TEX11: variants seen among roughly 807,000 people sequenced by gnomAD.
TEX11 encodes testis-expressed protein 11.
A neutral mutation model predicts 84.4 loss-of-function variants in TEX11; 7 were observed. That is an observed-to-expected ratio of 0.08 (90% confidence interval 0.05 to 0.16). The LOEUF (loss-of-function observed/expected upper bound fraction) is 0.16. TEX11 is among the 10% of genes least tolerant of loss of function. The probability of loss-of-function intolerance (pLI) is 1.00; values close to 1 mark genes in which losing one functional copy is unlikely to be tolerated. For missense variants in TEX11, 551 were observed against 660.5 expected (o/e 0.83, Z 1.82); for synonymous variants, 264 against 222.8 (o/e 1.18, Z -1.64).
At chrX:70,889,291 T>A (rs182299090) in intron 2 of TEX11, among the ~76,000 whole-genome samples, 1 of 109,227 alleles carries the variant, frequency 9.2e-6, no homozygotes, top group African/African-American at 3.3e-5. Context: ...GTGGCAGACA[T>A]CTGTAATCCC....
chrX:70,594,085 T>C (rs775131999), intron 24 of TEX11, among the ~76,000 whole-genome samples: 3 of 111,147 alleles, frequency 2.7e-5, no homozygotes, highest in African/African-American at 9.8e-5. Context: ...CATTACAAAA[T>C]GGTAAAAGAC....
chrX:70,842,426 C>A (rs1379056297), intron 7 of TEX11, among the ~76,000 whole-genome samples: 2 of 111,552 alleles, frequency 1.8e-5, no homozygotes, highest in Non-Finnish European at 3.8e-5. Flanking sequence ...TGACAAAATT[C>A]AACAACACTT....
intron 16 of TEX11, among the ~76,000 whole-genome samples, chrX:70,664,537 G>A (rs1417055446): frequency 8.1e-5 from 9 of 111,028 alleles, no homozygotes; most frequent in African/African-American, 2.3e-4. Context: ...AGTTCATATG[G>A]TACATACCAC....
intron 20 of TEX11, 99 bp from the exon 21 acceptor site, chrX:70,610,642 A>G: frequency 1.2e-6 from 1 of 855,741 alleles, no homozygotes; most frequent in Non-Finnish European, 1.7e-6. Flanking sequence ...TTGAACTAAG[A>G]AAATGCAAAA....
At chrX:70,557,125 T>C (rs1338471353) in intron 25 of TEX11, among the ~76,000 whole-genome samples, 1 of 109,351 alleles carries the variant, frequency 9.1e-6, no homozygotes, top group Non-Finnish European at 1.9e-5. Context: ...GAAAATAAAA[T>C]TGAAACAATT....
rs2090836772 is a variant in TEX11 at position 70,752,626 on chromosome X, T to C, written c.693-8407A>G. Among the ~76,000 whole-genome samples the C allele has an allele frequency of 2.8e-5, 3 of 107,653 alleles. No individual in the cohort carries two copies. The South Asian group carries it at 1.2e-3, about 44-fold the overall frequency. 93.5% of individuals were successfully genotyped at this position (107,653 alleles called of 115,157 possible). A position where few individuals can be genotyped will look rare whatever the true frequency, so the allele number is the denominator to read the frequency against. On this transcript the variant is annotated intron_variant, in intron 9 of 29. Coordinates refer to ENST00000374333, the MANE Select transcript of TEX11 (RefSeq NM_031276.3). ...TATACTATAAAATATTCACCTAAGA[T>C]CAGCAATTCCAGAGGTGGAACAAGA...
intron 13 of TEX11, among the ~76,000 whole-genome samples, chrX:70,692,066 A>C (rs771773025): frequency 8.9e-6 from 1 of 111,824 alleles, no homozygotes; most frequent in Non-Finnish European, 1.9e-5. Flanking sequence ...TATACCATGA[A>C]ACCATTAATC....
chrX:70,584,790 G>T (rs181333019), intron 25 of TEX11, among the ~76,000 whole-genome samples: 227 of 111,565 alleles, frequency 2.0e-3, no homozygotes, highest in African/African-American at 7.1e-3. Flanking sequence ...AAGGAAAAAA[G>T]GTCATATTCA....
intron 16 of TEX11, among the ~76,000 whole-genome samples, chrX:70,656,871 T>C (rs983161797): frequency 3.6e-5 from 4 of 111,915 alleles, no homozygotes; most frequent in South Asian, 3.8e-4. Flanking sequence ...GAAGCGATAG[T>C]AGTCTAGGCC....
intron 5 of TEX11, among the ~76,000 whole-genome samples, chrX:70,854,992 G>A (rs1472276101): frequency 1.8e-5 from 2 of 110,129 alleles, no homozygotes; most frequent in Non-Finnish European, 3.8e-5. Flanking sequence ...AGGTTGCAGT[G>A]AGCCAAGATC....
chrX:70,780,573 CTG>C (rs973824779), intron 9 of TEX11, among the ~76,000 whole-genome samples: 1 of 112,370 alleles, frequency 8.9e-6, no homozygotes, highest in African/African-American at 3.2e-5. Flanking sequence ...CTGTGACAGT[CTG>C]TACCTGGAGG....
chrX:70,788,234 G>A (rs190369662), intron 9 of TEX11, among the ~76,000 whole-genome samples: 1 of 111,679 alleles, frequency 9.0e-6, no homozygotes, highest in Admixed American at 9.5e-5. Flanking sequence ...GAATACAGCT[G>A]GATGGTTCAC....
rs376569925 is a variant in TEX11, at chrX:70,657,471, G to A, written c.1381-5919C>T. The stretch of plus-strand genomic sequence containing the variant: ...GTAAAAAATTAAAAAAAAAAAAGCA[G>A]CAGCAGCATCAGCAGCAGCAAAGTA... On this transcript the variant is annotated intron_variant, in intron 16 of 29. Transcript: ENST00000374333. Among the ~76,000 whole-genome samples the A allele has an allele frequency of 1.4e-4, 15 of 107,375 alleles. No homozygotes were observed. The Admixed American group carries it at 1.5e-3, about 11-fold the overall frequency. 93.2% of individuals were successfully genotyped at this position (107,375 alleles called of 115,157 possible). A position where few individuals can be genotyped will look rare whatever the true frequency, so the allele number is the denominator to read the frequency against.
chrX:70,894,739 C>T (rs558632251), intron 2 of TEX11, among the ~76,000 whole-genome samples: 3 of 111,421 alleles, frequency 2.7e-5, no homozygotes, highest in Admixed American at 1.9e-4. Context: ...ATACGCAAAT[C>T]GATAAACATA....
intron 2 of TEX11, among the ~76,000 whole-genome samples, chrX:70,894,391 G>A (rs188319429): frequency 9.0e-6 from 1 of 110,506 alleles, no homozygotes; most frequent in African/African-American, 3.3e-5. Flanking sequence ...ACTTTGGGAG[G>A]CCAAGGCAAG....
rs1326654956 is a variant in TEX11 at position 70,663,776 on chromosome X, T to C, written c.1380+6601A>G. ...GCTTATTGAATGAGTATTGCTTTCA[T>C]ACTATCATAAGATTGATAAATCCTA... On this transcript the variant is annotated intron_variant, in intron 16 of 29. Coordinates refer to ENST00000374333, the MANE Select transcript of TEX11 (RefSeq NM_031276.3). Among the ~76,000 whole-genome samples the C allele has an allele frequency of 2.7e-5, 3 of 112,042 alleles. No homozygotes were observed. In the East Asian group the frequency reaches 8.4e-4, roughly 31 times the overall value.
intron 13 of TEX11, among the ~76,000 whole-genome samples, chrX:70,713,525 T>G (rs758920958): frequency 1.8e-5 from 2 of 111,893 alleles, no homozygotes; most frequent in African/African-American, 6.5e-5. Flanking sequence ...CTTGGGAGAG[T>G]GTAAGTGTCA....
intron 3 of TEX11, among the ~76,000 whole-genome samples, chrX:70,876,063 T>C (rs1350502642): frequency 8.9e-6 from 1 of 112,412 alleles, no homozygotes; most frequent in Non-Finnish European, 1.9e-5. Flanking sequence ...GAAGCGAATA[T>C]GGTAAAATGT....
chrX:70,842,112 T>A (rs2091449294), intron 7 of TEX11, among the ~76,000 whole-genome samples: 2 of 110,391 alleles, frequency 1.8e-5, no homozygotes, highest in African/African-American at 6.6e-5. Context: ...AAAGAGGGAA[T>A]CCTCCCTAAC....
Sources: allele counts gnomAD v4.1 joint callset (sites outside exome capture counted in the v4.1 genomes callset), GRCh38; gene constraint gnomAD v4.1.1; transcripts MANE v1.5; gene names NCBI Gene and HGNC (gene_info 2026-07-23, HGNC 2026-07-21).